The following SCFD2 variants were observed in gnomAD, a reference collection of about 807,000 sequenced individuals.
The protein encoded by SCFD2 is sec1 family domain containing 2.
A neutral mutation model predicts 58.9 loss-of-function variants in SCFD2; 54 were observed. That is an observed-to-expected ratio of 0.92 (90% CI 0.74 to 1.15). The LOEUF (loss-of-function observed/expected upper bound fraction) is 1.15. Among genes scored for constraint, SCFD2 ranks in the 50% most tolerant of loss-of-function variants. The pLI is 0.00. For missense variants in SCFD2, 805 were observed against 836.6 expected (o/e 0.96, Z 0.47); for synonymous variants, 321 against 335.9 (o/e 0.96, Z 0.49).
chr4:53,287,391 C>G (rs1261587061), intron 3 of SCFD2, among the ~76,000 whole-genome samples: 2 of 152,146 alleles, frequency 1.3e-5, no homozygotes, highest in Non-Finnish European at 1.5e-5. Flanking sequence ...AAAACCCTAC[C>G]CTTACCACTG....
intron 4 of SCFD2, among the ~76,000 whole-genome samples, chr4:53,263,834 C>T (rs1210409846): frequency 2.0e-5 from 3 of 152,140 alleles, no homozygotes; most frequent in Admixed American, 2.0e-4. Flanking sequence ...GTTTTTCAGG[C>T]AGTAGACAGG....
chr4:52,946,979 C>G (rs532070479), intron 5 of SCFD2, among the ~76,000 whole-genome samples: 2 of 152,126 alleles, frequency 1.3e-5, no homozygotes, highest in Non-Finnish European at 2.9e-5. Flanking sequence ...GTTTCCAGCC[C>G]ATGCAGGCTG....
intron 4 of SCFD2, among the ~76,000 whole-genome samples, chr4:53,228,718 G>C (rs990662883): frequency 6.6e-6 from 1 of 152,072 alleles, no homozygotes; most frequent in African/African-American, 2.4e-5. Context: ...CACAAGACAG[G>C]GATGCCCTCT....
At chr4:53,208,413 G>A (rs1728504939) in intron 4 of SCFD2, among the ~76,000 whole-genome samples, 1 of 152,140 alleles carries the variant, frequency 6.6e-6, no homozygotes, top group African/African-American at 2.4e-5. Flanking sequence ...TCCTGTACAT[G>A]TCACAAACAC....
intron 4 of SCFD2, among the ~76,000 whole-genome samples, chr4:53,150,364 T>A (rs939580306): frequency 2.0e-5 from 3 of 152,176 alleles, no homozygotes; most frequent in African/African-American, 7.2e-5. Context: ...AGGGTGGTCA[T>A]CTGCCCAAGA....
At chr4:53,232,697 A>C in intron 4 of SCFD2, among the ~76,000 whole-genome samples, 1 of 152,220 alleles carries the variant, frequency 6.6e-6, no homozygotes, top group East Asian at 1.9e-4. Flanking sequence ...AGAGCTGAGG[A>C]AAGCCACATA....
intron 6 of SCFD2, among the ~76,000 whole-genome samples, chr4:52,918,940 C>T (rs1289716398): frequency 6.6e-6 from 1 of 152,178 alleles, no homozygotes; most frequent in East Asian, 1.9e-4. Context: ...ACACACATTA[C>T]CCTACCTCCA....
intron 7 of SCFD2, among the ~76,000 whole-genome samples, chr4:52,899,645 G>C (rs192979777): frequency 1.3e-5 from 2 of 152,058 alleles, no homozygotes; most frequent in Admixed American, 6.5e-5. Flanking sequence ...TGCTCTTCTC[G>C]AGGAGTATCT....
chr4:53,236,880 C>G (rs958456009), intron 4 of SCFD2, among the ~76,000 whole-genome samples: 3 of 150,246 alleles, frequency 2.0e-5, no homozygotes, highest in Admixed American at 2.0e-4. Context: ...TTGGGTGTTT[C>G]TCACAGAGGG....
At chr4:53,287,887 A>G (rs558259139) in intron 3 of SCFD2, among the ~76,000 whole-genome samples, 1 of 152,150 alleles carries the variant, frequency 6.6e-6, no homozygotes, top group African/African-American at 2.4e-5. Flanking sequence ...ACAAAGAGAT[A>G]AAAATCATAA....
At chr4:52,953,015 C>T (rs771861517) in intron 5 of SCFD2, among the ~76,000 whole-genome samples, 7 of 152,304 alleles carry the variant, frequency 4.6e-5, no homozygotes, top group Non-Finnish European at 7.4e-5. Flanking sequence ...GGCCCAGCAA[C>T]TTTTTCTGCT....
intron 4 of SCFD2, among the ~76,000 whole-genome samples, chr4:53,149,167 G>A (rs1259401465): frequency 6.6e-6 from 1 of 152,220 alleles, no homozygotes; most frequent in Non-Finnish European, 1.5e-5. Flanking sequence ...ATGACAGCCA[G>A]TGGCCAGATC....
At chr4:53,022,586 A>G (rs1490482583) in intron 5 of SCFD2, among the ~76,000 whole-genome samples, 3 of 152,204 alleles carry the variant, frequency 2.0e-5, no homozygotes, top group African/African-American at 7.2e-5. Flanking sequence ...TTTAGGCCTT[A>G]GAGTTGGGAG....
chr4:53,015,424 A>C (rs1180071353), intron 5 of SCFD2, among the ~76,000 whole-genome samples: 1 of 152,158 alleles, frequency 6.6e-6, no homozygotes, highest in Non-Finnish European at 1.5e-5. Flanking sequence ...ACAGGAAAAT[A>C]TGCAAAAAAA....
intron 2 of SCFD2, among the ~76,000 whole-genome samples, chr4:53,325,187 G>GCA (rs1733148879): frequency 6.6e-6 from 1 of 150,446 alleles, no homozygotes; most frequent in Non-Finnish European, 1.5e-5. Flanking sequence ...ATGTGTGTGT[G>GCA]TGTGCGCGTG....
rs192135449 is a variant in SCFD2, at chr4:53,097,322, C to T, written c.1561+48011G>A. 1.0e-3 allele frequency among the ~76,000 whole-genome samples: 157 copies of T among 152,252 alleles called. No individual in the cohort carries two copies. The East Asian group carries it at 0.023, about 22-fold the overall frequency. On this transcript the variant is annotated intron_variant, in intron 5 of 8. Coordinates refer to ENST00000401642, the MANE Select transcript of SCFD2 (RefSeq NM_152540.4). ...ACCTTGGGCAGTATGGCTATTTTCA[C>T]GATATTGATTCTTGCTATCCATGAG...
chr4:53,212,220 T>A (rs1728635035), intron 4 of SCFD2, among the ~76,000 whole-genome samples: 1 of 151,934 alleles, frequency 6.6e-6, no homozygotes, highest in African/African-American at 2.4e-5. Context: ...AATCAAACGC[T>A]CCTTTCCTAC....
At chr4:53,044,808 T>C (rs1722987829) in intron 5 of SCFD2, among the ~76,000 whole-genome samples, 1 of 150,406 alleles carries the variant, frequency 6.6e-6, no homozygotes, top group African/African-American at 2.5e-5. Context: ...GTGAGTCAAT[T>C]AGGAGGCAAG....
chr4:52,876,196 T>A (rs1718470297), intron 8 of SCFD2, among the ~76,000 whole-genome samples: 1 of 151,788 alleles, frequency 6.6e-6, no homozygotes, highest in African/African-American at 2.4e-5. Flanking sequence ...CTCATCTCTC[T>A]CAGAAGGAAA....
Sources: allele counts gnomAD v4.1 joint callset (sites outside exome capture counted in the v4.1 genomes callset), GRCh38; gene constraint gnomAD v4.1.1; transcripts MANE v1.5; gene names NCBI Gene and HGNC (gene_info 2026-07-23, HGNC 2026-07-21).